Variants in TRABD2B observed in about 807,000 individuals in gnomAD.
TRABD2B encodes metalloprotease TIKI2.
A neutral mutation model predicts 40.1 loss-of-function variants in TRABD2B; 14 were observed. The observed-to-expected ratio is 0.35, with a 90% CI of 0.23 to 0.55. TRABD2B has a LOEUF of 0.55. TRABD2B is among the 20% of genes least tolerant of loss of function. The probability of loss-of-function intolerance (pLI) is 0.90; values close to 1 mark genes in which losing one functional copy is unlikely to be tolerated. For missense variants in TRABD2B, 541 were observed against 648.6 expected (o/e 0.83, Z 1.80); for synonymous variants, 263 against 277.0 (o/e 0.95, Z 0.50).
chr1:47,907,697 G>C (rs923578720), intron 2 of TRABD2B, among the ~76,000 whole-genome samples: 3 of 152,230 alleles, frequency 2.0e-5, no homozygotes, highest in African/African-American at 7.2e-5. Context: ...ATCCCAGGTC[G>C]CTGGAGGCCA....
intron 2 of TRABD2B, among the ~76,000 whole-genome samples, chr1:47,824,346 C>T (rs571419036): frequency 2.2e-4 from 33 of 152,292 alleles, no homozygotes; most frequent in African/African-American, 7.2e-4. Context: ...GAGTTACCAG[C>T]GCCCCCTCAA....
intron 2 of TRABD2B, among the ~76,000 whole-genome samples, chr1:47,951,211 C>T (rs988825428): frequency 3.9e-5 from 6 of 152,164 alleles, no homozygotes; most frequent in Non-Finnish European, 8.8e-5. Context: ...GGCGGGCAGG[C>T]AGGGGCGAGT....
At chr1:47,845,348 A>C (rs1645454715) in intron 2 of TRABD2B, among the ~76,000 whole-genome samples, 3 of 152,244 alleles carry the variant, frequency 2.0e-5, no homozygotes, top group South Asian at 4.1e-4. Flanking sequence ...TAGGATAATA[A>C]CAACAAAAAT....
At chr1:47,841,960 G>C (rs1025739147) in intron 2 of TRABD2B, among the ~76,000 whole-genome samples, 9 of 151,720 alleles carry the variant, frequency 5.9e-5, no homozygotes, top group African/African-American at 1.9e-4. Context: ...TTTTAGTAGA[G>C]ATGGGGTTTC....
At chr1:47,905,656 T>C (rs556365255) in intron 2 of TRABD2B, among the ~76,000 whole-genome samples, 14 of 152,276 alleles carry the variant, frequency 9.2e-5, no homozygotes, top group African/African-American at 3.4e-4. Flanking sequence ...TCTCTTGACA[T>C]TCTCCTTTTC....
chr1:47,895,255 AC>A (rs1046637195), intron 2 of TRABD2B, among the ~76,000 whole-genome samples: 3 of 151,444 alleles, frequency 2.0e-5, no homozygotes, highest in South Asian at 2.1e-4. Context: ...CACTCGCCCC[AC>A]CCCCCAGCCA....
intron 5 of TRABD2B, among the ~76,000 whole-genome samples, chr1:47,777,002 C>A (rs1644456602): frequency 6.6e-6 from 1 of 152,208 alleles, no homozygotes; most frequent in Non-Finnish European, 1.5e-5. Flanking sequence ...CTCCGCCCTG[C>A]CAACTCCCTT....
chr1:47,867,151 C>T (rs1439740123), intron 2 of TRABD2B, among the ~76,000 whole-genome samples: 1 of 152,226 alleles, frequency 6.6e-6, no homozygotes, highest in African/African-American at 2.4e-5. Context: ...GGCACATCTG[C>T]TTACACATGA....
At chr1:47,936,617 A>G (rs1645110033) in intron 2 of TRABD2B, among the ~76,000 whole-genome samples, 1 of 152,218 alleles carries the variant, frequency 6.6e-6, no homozygotes, top group Admixed American at 6.5e-5. Flanking sequence ...TTAGTTTGCC[A>G]CTATATTTCG....
chr1:47,837,692 T>C (rs374103852), intron 2 of TRABD2B, among the ~76,000 whole-genome samples: 1 of 152,066 alleles, frequency 6.6e-6, no homozygotes, highest in East Asian at 1.9e-4. Flanking sequence ...TCCTGAAAAC[T>C]CTGAGTGATG....
At chr1:47,929,266 C>T (rs1225187862) in intron 2 of TRABD2B, among the ~76,000 whole-genome samples, 1 of 152,164 alleles carries the variant, frequency 6.6e-6, no homozygotes, top group East Asian at 1.9e-4. Context: ...AGAGAGCCTC[C>T]TTAAATTTTG....
chr1:47,800,699 C>G lies in TRABD2B; in HGVS notation c.813+774G>C, dbSNP rs1181247425. The stretch of plus-strand genomic sequence containing the variant: ...GAGGAGGCACAAGGCCCTAGAGGTG[C>G]CTGGGAGAATGCCTGACCCTATCCA... On this transcript the variant is annotated intron_variant, in intron 3 of 6. Transcript: ENST00000606738. Among the ~76,000 whole-genome samples the G allele has an allele frequency of 3.9e-5, 6 of 152,146 alleles. No homozygotes were observed. In the East Asian group the frequency reaches 1.2e-3, roughly 29 times the overall value.
intron 2 of TRABD2B, among the ~76,000 whole-genome samples, chr1:47,920,833 T>C (rs570267402): frequency 6.6e-6 from 1 of 152,198 alleles, no homozygotes; most frequent in Non-Finnish European, 1.5e-5. Flanking sequence ...GGAGGACCTC[T>C]TAGACATCAT....
rs917809118 is a variant in TRABD2B at position 47,913,502 on chromosome 1, C to T, written c.666+80532G>A. On this transcript the variant is annotated intron_variant, in intron 2 of 6. Transcript: ENST00000606738. Reference sequence around the variant, plus strand: ...CCCAGTGCCTATTTTGCACTTTGTCCCCAGACAAAGGTGTCTGACCTTTCC... The same window carrying T: ...CCCAGTGCCTATTTTGCACTTTGTCTCCAGACAAAGGTGTCTGACCTTTCC... Among the ~76,000 whole-genome samples, 26 of 152,294 alleles carry T rather than the reference C, an allele frequency of 1.7e-4. 1 individual carries two copies. Among genetic ancestry groups the T allele is most frequent in the Admixed American group, 1.6e-3 (24 of 15,298 alleles).
chr1:47,778,312 T>C, intron 5 of TRABD2B, 142 bp downstream of exon 5: 1 of 658,246 alleles, frequency 1.5e-6, no homozygotes, highest in African/African-American at 1.8e-5. Context: ...CCCAATCTCC[T>C]GCCTCCAGCC....
chr1:47,985,183 G>A (rs1645903467), intron 2 of TRABD2B, among the ~76,000 whole-genome samples: 1 of 152,216 alleles, frequency 6.6e-6, no homozygotes, highest in South Asian at 2.1e-4. Flanking sequence ...CACTTATTCT[G>A]GGAACTGAAG....
chr1:47,993,981 A>C, intron 2 of TRABD2B, 53 bp downstream of exon 2: 3 of 1,464,606 alleles, frequency 2.0e-6, no homozygotes, highest in Non-Finnish European at 2.7e-6. Flanking sequence ...ATCAGAGAAG[A>C]GGACCCAGGT....
chr1:47,907,374 T>A (rs1269656277), intron 2 of TRABD2B, among the ~76,000 whole-genome samples: 3 of 152,158 alleles, frequency 2.0e-5, no homozygotes, highest in Admixed American at 6.5e-5. Flanking sequence ...CCACCTCTCT[T>A]AAAGAAAACT....
At chr1:47,776,042 T>C (rs938117958) in intron 5 of TRABD2B, among the ~76,000 whole-genome samples, 2 of 151,952 alleles carry the variant, frequency 1.3e-5, no homozygotes, top group African/African-American at 4.8e-5. Flanking sequence ...CGCTGTGAAA[T>C]GGGGGTGTTG....
Sources: gnomAD v4.1 joint callset for allele counts (sites outside exome capture counted in the v4.1 genomes callset) on GRCh38, gnomAD v4.1.1 for gene constraint, MANE v1.5 for transcripts, NCBI Gene and HGNC (gene_info 2026-07-23, HGNC 2026-07-21) for gene names.